The following HAUS3 variants were observed in gnomAD, a reference collection of about 807,000 sequenced individuals.
The protein encoded by HAUS3 is HAUS augmin-like complex subunit 3.
A neutral mutation model predicts 55.2 loss-of-function variants in HAUS3; 36 were observed. The ratio of observed to expected loss-of-function variants is 0.65; its 90% confidence interval spans 0.50 to 0.86. The LOEUF (loss-of-function observed/expected upper bound fraction) is 0.86. HAUS3 is among the 40% of genes least tolerant of loss of function. The pLI, the probability that HAUS3 is intolerant of heterozygous loss-of-function variation, is 0.00. For missense variants in HAUS3, 752 were observed against 671.5 expected (o/e 1.12, Z -1.33); for synonymous variants, 234 against 238.6 (o/e 0.98, Z 0.18).
intron 5 of HAUS3, among the ~76,000 whole-genome samples, chr4:2,233,554 C>A (rs1435331560): frequency 6.6e-6 from 1 of 152,054 alleles, no homozygotes; most frequent in East Asian, 1.9e-4. Context: ...ATTCCTGATA[C>A]ACAGTGTGGA....
At chr4:2,234,455 T>C (rs1270390039) in intron 5 of HAUS3, 3 of 153,046 alleles carry the variant, frequency 2.0e-5, no homozygotes, top group African/African-American at 4.8e-5. Context: ...CCCCATATCC[T>C]TGGTCTTGAC....
intron 2 of HAUS3, 39 bp from the exon 3 acceptor site, chr4:2,241,132 A>C (rs1734972067): frequency 1.9e-6 from 1 of 515,948 alleles, no homozygotes; most frequent in Admixed American, 3.9e-5. Context: ...CACAAATATG[A>C]CGACAGTGTT....
Position 2,229,615 on chromosome 4 carries a change from A to G in HAUS3, c.*2312T>C. 6.5e-6 allele frequency: 1 copy of G among 154,818 alleles called. No individual in the cohort carries two copies. The highest frequency in any genetic ancestry group is 2.0e-4 in the South Asian group (1 of 5,052). 9.6% of individuals were successfully genotyped at this position (154,818 alleles called of 1,614,324 possible). ...TGAGGCGGGTGGATCACCTGAGGTCAGGAGTTCGAGACCAACCTGGCCAAC... is the reference window on the plus strand; with the variant it reads ...TGAGGCGGGTGGATCACCTGAGGTCGGGAGTTCGAGACCAACCTGGCCAAC... On this transcript the variant is annotated 3_prime_UTR_variant, in exon 6 of 6. Coordinates refer to ENST00000443786, the MANE Select transcript of HAUS3 (RefSeq NM_001303143.2).
chr4:2,238,892 C>T lies in HAUS3; in HGVS notation c.1061G>A (p.Gly354Glu). Residue 354 changes from glycine (G) to glutamate (E), a missense_variant, in exon 4 of 6, where the codon GGA becomes GAA. Coordinates refer to ENST00000443786, the MANE Select transcript of HAUS3 (RefSeq NM_001303143.2). ...TTTAGCAATCTGCAGATCAAAATCT[C>T]CCTTTACCACTGGCATATTCAATAA... Reference protein sequence around the residue: ...AQLLNMPVVKGDFDLQIAKQD... With the variant: ...AQLLNMPVVKEDFDLQIAKQD... 1 of 1,613,164 alleles carries T rather than the reference C, an allele frequency of 6.2e-7. No individual in the cohort carries two copies. Among genetic ancestry groups the T allele is most frequent in the Non-Finnish European group, 8.5e-7 (1 of 1,179,608 alleles).
chr4:2,231,865 T>TATA lies in HAUS3; in HGVS notation c.*59_*61dup. Reference sequence around the variant, plus strand: ...ATTTTAAAAATTTAGTAGTGTTTATTATACACAGTCTTCTAATAAATAAAA... The same window carrying TATA: ...ATTTTAAAAATTTAGTAGTGTTTATTATAATACACAGTCTTCTAATAAATAAAA... On this transcript the variant is annotated 3_prime_UTR_variant, in exon 6 of 6. Coordinates refer to ENST00000443786, the MANE Select transcript of HAUS3 (RefSeq NM_001303143.2). The TATA allele has an allele frequency of 1.4e-6, 1 of 739,830 alleles. No homozygotes were observed. Among genetic ancestry groups the TATA allele is most frequent in the East Asian group, 2.8e-5 (1 of 35,816 alleles). 45.8% of individuals were successfully genotyped at this position (739,830 alleles called of 1,614,324 possible).
intron 5 of HAUS3, among the ~76,000 whole-genome samples, chr4:2,232,983 C>T (rs1301115553): frequency 6.6e-6 from 1 of 152,120 alleles, no homozygotes; most frequent in Non-Finnish European, 1.5e-5. Flanking sequence ...CCTGTACCCC[C>T]CCACTAGACT....
chr4:2,233,618 G>A (rs931448737), intron 5 of HAUS3, among the ~76,000 whole-genome samples: 18 of 152,168 alleles, frequency 1.2e-4, no homozygotes, highest in Admixed American at 2.0e-4. Flanking sequence ...ACATTGAAAT[G>A]TGATGCTTTA....
At position 2,231,760 on chromosome 4, in the gene HAUS3, T is replaced by C; in HGVS notation, c.*167A>G. 2.0e-6 allele frequency: 1 copy of C among 494,508 alleles called. No individual in the cohort carries two copies. Among genetic ancestry groups the C allele is most frequent in the Non-Finnish European group, 3.6e-6 (1 of 278,114 alleles). 30.6% of individuals were successfully genotyped at this position (494,508 alleles called of 1,614,324 possible). ...GCTCAAGTCATAAAAAGCACTGGTA[T>C]TCTGAATGTACTACATGAGAAAAAA... On this transcript the variant is annotated 3_prime_UTR_variant, in exon 6 of 6. Transcript: ENST00000443786.
intron 5 of HAUS3, among the ~76,000 whole-genome samples, chr4:2,233,544 A>C (rs1051026320): frequency 6.6e-6 from 1 of 152,164 alleles, no homozygotes; most frequent in Non-Finnish European, 1.5e-5. Context: ...TCTCATCAAC[A>C]TTCCTGATAC....
Position 2,240,079 on chromosome 4 carries a change from T to C in HAUS3, c.868A>G (p.Ile290Val). The C allele has an allele frequency of 6.2e-7, 1 of 1,614,076 alleles. No homozygotes were observed. Among genetic ancestry groups the C allele is most frequent in the Admixed American group, 1.7e-5 (1 of 60,018 alleles). Residue 290 changes from isoleucine to valine, a missense_variant, in exon 3 of 6, where the codon ATA (isoleucine) becomes GTA (valine). Physicochemically the swap from Ile to Val is conservative, Grantham distance 29. Transcript: ENST00000443786. The stretch of plus-strand genomic sequence containing the variant: ...TGAAGACTCTCCTCTGCCCATTTTA[T>C]ACTTGACTTCATGCTCGAATTACTT... ...KASNSSMKSS[I>V]KWAEESLHSL...
At position 2,232,135 on chromosome 4, in the gene HAUS3, A is replaced by C; in HGVS notation, c.1604T>G (p.Val535Gly). ...DQELTEQFHKVESQLNKLNHL... is the reference protein window; with the variant it reads ...DQELTEQFHKGESQLNKLNHL... Reference sequence around the variant, plus strand: ...ATTTAGCTTATTCAGTTGAGATTCAACTTTATGAAACTGCTCTGTTAACTC... The same window carrying C: ...ATTTAGCTTATTCAGTTGAGATTCACCTTTATGAAACTGCTCTGTTAACTC... The change falls in exon 6 of 6, where the codon GTT becomes GGT. Residue 535 changes from valine to glycine, a missense_variant. Physicochemically the swap from Val to Gly is moderately radical, Grantham distance 109 (BLOSUM62 -3). Transcript: ENST00000443786. 6.4e-7 allele frequency: 1 copy of C among 1,559,186 alleles called. No individual in the cohort carries two copies. Among genetic ancestry groups the C allele is most frequent in the Non-Finnish European group, 8.7e-7 (1 of 1,152,124 alleles).
chr4:2,236,877 AATAATT>A (rs1007653135), intron 4 of HAUS3, among the ~76,000 whole-genome samples: 11 of 149,138 alleles, frequency 7.4e-5, no homozygotes, highest in South Asian at 2.1e-4. Context: ...TAATAATAAT[AATAATT>A]ATAATTATAA....
Position 2,238,662 on chromosome 4 carries a change from C to T in HAUS3, c.1291G>A (p.Val431Ile). ...KQLEMLTDPS[V>I]SQQINPRNTI... ...TTCCTTGGATTTATCTGTTGAGAAA[C>T]TGATGGATCTGTTAACATTTCTAAT... The change falls in exon 4 of 6, where the codon GTT (valine) becomes ATT (isoleucine). Residue 431 changes from valine to isoleucine, a missense_variant. Val to Ile is a conservative substitution (Grantham distance 29, BLOSUM62 3). Transcript: ENST00000443786. The T allele has an allele frequency of 8.1e-6, 13 of 1,612,968 alleles. No individual in the cohort carries two copies. Among genetic ancestry groups the T allele is most frequent in the Non-Finnish European group, 1.1e-5 (13 of 1,179,194 alleles).
intron 4 of HAUS3, among the ~76,000 whole-genome samples, chr4:2,236,745 C>G (rs1451207736): frequency 1.3e-5 from 2 of 151,854 alleles, no homozygotes; most frequent in African/African-American, 2.4e-5. Context: ...CACCTATAGT[C>G]CCAGATACTC....
At chr4:2,238,543 C>T (rs893358000) in intron 4 of HAUS3, 61 bp downstream of exon 4, 251 of 1,142,696 alleles carry the variant, frequency 2.2e-4, no homozygotes, top group Admixed American at 4.1e-4. Context: ...CTCAAACTCT[C>T]TCTAGTATTT....
rs1734758345 is a variant in HAUS3, at chr4:2,236,208, C to A, written c.1578+20G>T. 6 of 1,453,556 alleles carry A rather than the reference C, an allele frequency of 4.1e-6. No homozygotes were observed. The highest frequency in any genetic ancestry group is 2.9e-6 in the Non-Finnish European group (3 of 1,049,680). The allele number at this position is 1,453,556 out of a possible 1,614,324, so 90.0% of individuals were successfully genotyped here. ...GCATTTTTTTAAAAAGCATTTTTAACTACTATGGCAAATACCCACCTGATC... is the reference window on the plus strand; with the variant it reads ...GCATTTTTTTAAAAAGCATTTTTAAATACTATGGCAAATACCCACCTGATC... On this transcript the variant is annotated intron_variant, in intron 5 of 5. Coordinates refer to ENST00000443786, the MANE Select transcript of HAUS3 (RefSeq NM_001303143.2).
In HAUS3 at chr4:2,231,737, T is replaced by C; in HGVS notation, c.*190A>G. Reference sequence around the variant, plus strand: ...GGACTAAGTACCACTAAACACATGCTCAAGTCATAAAAAGCACTGGTATTC... The same window carrying C: ...GGACTAAGTACCACTAAACACATGCCCAAGTCATAAAAAGCACTGGTATTC... On this transcript the variant is annotated 3_prime_UTR_variant, in exon 6 of 6. Coordinates refer to ENST00000443786, the MANE Select transcript of HAUS3 (RefSeq NM_001303143.2). 1 of 445,350 alleles carries C rather than the reference T, an allele frequency of 2.2e-6. No individual in the cohort carries two copies. Among genetic ancestry groups the C allele is most frequent in the Non-Finnish European group, 4.0e-6 (1 of 249,058 alleles). 27.6% of individuals were successfully genotyped at this position (445,350 alleles called of 1,614,324 possible).
At position 2,229,365 on chromosome 4, in the gene HAUS3, C is replaced by A; in HGVS notation, c.*2562G>T. 2 of 834,066 alleles carry A rather than the reference C, an allele frequency of 2.4e-6. No homozygotes were observed. Among genetic ancestry groups the A allele is most frequent in the African/African-American group, 1.8e-5 (1 of 56,204 alleles). The allele number at this position is 834,066 out of a possible 1,614,324, so 51.7% of individuals were successfully genotyped here. A position where few individuals can be genotyped will look rare whatever the true frequency, so the allele number is the denominator to read the frequency against. On this transcript the variant is annotated 3_prime_UTR_variant, in exon 6 of 6. Transcript: ENST00000443786. ...TCATTTAAAATGTCTATATTCATAA[C>A]CACAGAAAATAGGCATCAATCATCC...
At chr4:2,233,155 C>T (rs557060608) in intron 5 of HAUS3, among the ~76,000 whole-genome samples, 2 of 152,184 alleles carry the variant, frequency 1.3e-5, no homozygotes, top group East Asian at 1.9e-4. Context: ...CAAGTAATTT[C>T]GACATTATAT....
Sources: allele counts gnomAD v4.1 joint callset (sites outside exome capture counted in the v4.1 genomes callset), GRCh38; gene constraint gnomAD v4.1.1; transcripts MANE v1.5; gene names NCBI Gene and HGNC (gene_info 2026-07-23, HGNC 2026-07-21).